The following RBFOX1 variants were observed in gnomAD, a reference collection of about 807,000 sequenced individuals.
RBFOX1 encodes the protein RNA binding fox-1 homolog 1.
RBFOX1 carries 8 observed loss-of-function variants against 57.7 expected under a neutral mutation model. The ratio of observed to expected loss-of-function variants is 0.14; its 90% CI spans 0.08 to 0.25. RBFOX1 has a LOEUF of 0.25. Ranked by LOEUF, RBFOX1 falls within the 10% of genes least tolerant of loss-of-function variation. RBFOX1 has a pLI of 1.00. For missense variants in RBFOX1, 611 were observed against 548.5 expected, an observed-to-expected ratio of 1.11 and a Z score of -1.14; for synonymous variants, 326 against 222.4, an observed-to-expected ratio of 1.47 and a Z score of -4.15.
intron 3 of RBFOX1, among the ~76,000 whole-genome samples, chr16:5,716,071 A>G (rs1346457780): frequency 6.6e-6 from 1 of 152,254 alleles, no homozygotes; most frequent in Non-Finnish European, 1.5e-5. Context: ...GATGTCTGGT[A>G]TTAATTTAGC....
At chr16:6,352,768 A>G (rs1056919654) in intron 2 of RBFOX1, among the ~76,000 whole-genome samples, 4 of 152,236 alleles carry the variant, frequency 2.6e-5, no homozygotes. Flanking sequence ...CGAAGCTGCA[A>G]GTTACTGCGA....
At chr16:5,600,957 G>A (rs912364964), downstream of RBFOX1, among the ~76,000 whole-genome samples, 4 of 152,140 alleles carry the variant, frequency 2.6e-5, no homozygotes, top group African/African-American at 9.7e-5. Flanking sequence ...ATTGCCCATG[G>A]TCACACAGCC....
chr16:6,258,536 C>T (rs572706570), intron 1 of RBFOX1, among the ~76,000 whole-genome samples: 6 of 152,270 alleles, frequency 3.9e-5, no homozygotes, highest in South Asian at 2.1e-4. Flanking sequence ...GCTCAAAAAC[C>T]TTCAGTGGCT....
chr16:7,130,731 C>T (rs376087293), intron 4 of RBFOX1, among the ~76,000 whole-genome samples: 1 of 152,196 alleles, frequency 6.6e-6, no homozygotes, highest in Non-Finnish European at 1.5e-5. Flanking sequence ...GAAGCCCATT[C>T]CTGGCCAAAT....
At chr16:7,366,145 C>T (rs1261505328) in intron 4 of RBFOX1, among the ~76,000 whole-genome samples, 1 of 152,166 alleles carries the variant, frequency 6.6e-6, no homozygotes, top group Non-Finnish European at 1.5e-5. Context: ...ACCCTCTAAA[C>T]AGTGTATTGA....
At chr16:6,351,372 A>ATATT (rs1199701253) in intron 2 of RBFOX1, among the ~76,000 whole-genome samples, 13 of 86,418 alleles carry the variant, frequency 1.5e-4, no homozygotes, top group East Asian at 6.6e-4. Context: ...ATATATATAT[A>ATATT]TTTTTTTTTT....
chr16:7,203,425 G>A (rs2089160527), intron 4 of RBFOX1, among the ~76,000 whole-genome samples: 3 of 152,182 alleles, frequency 2.0e-5, no homozygotes, highest in Admixed American at 2.0e-4. Flanking sequence ...CACAGTTTCA[G>A]TATTACAAGA....
intron 1 of RBFOX1, among the ~76,000 whole-genome samples, chr16:5,338,356 C>A (rs879906184): frequency 6.6e-6 from 1 of 152,174 alleles, no homozygotes; most frequent in Admixed American, 6.5e-5. Flanking sequence ...GCTTGTTAAT[C>A]TTTGCTGTTG....
At chr16:7,530,407 G>A (rs1473963605) in intron 5 of RBFOX1, among the ~76,000 whole-genome samples, 2 of 151,792 alleles carry the variant, frequency 1.3e-5, no homozygotes, top group African/African-American at 4.8e-5. Context: ...GCTGTACACT[G>A]TAAGTCTCTG....
intron 1 of RBFOX1, among the ~76,000 whole-genome samples, chr16:6,230,953 C>G (rs1048957745): frequency 6.6e-6 from 1 of 152,112 alleles, no homozygotes; most frequent in Non-Finnish European, 1.5e-5. Flanking sequence ...AGCCCTCTGA[C>G]TTTATAGGGG....
At chr16:6,529,804 G>T (rs1032817667) in intron 2 of RBFOX1, among the ~76,000 whole-genome samples, 1 of 152,056 alleles carries the variant, frequency 6.6e-6, no homozygotes, top group African/African-American at 2.4e-5. Flanking sequence ...TGCATGTCTT[G>T]TTGATATTTC....
chr16:7,335,604 AAAAAAC>A (rs1248249788), intron 4 of RBFOX1, among the ~76,000 whole-genome samples: 19 of 64,200 alleles, frequency 3.0e-4, no homozygotes, highest in African/African-American at 2.4e-3. Context: ...AAAAAAAAAA[AAAAAAC>A]CAAGTGATTT....
At chr16:7,451,547 C>T (rs923807747) in intron 4 of RBFOX1, among the ~76,000 whole-genome samples, 1 of 152,112 alleles carries the variant, frequency 6.6e-6, no homozygotes, top group African/African-American at 2.4e-5. Context: ...CTCAACCCTA[C>T]ACTCATTGCT....
chr16:5,373,498 C>T (rs754905601), intron 1 of RBFOX1, among the ~76,000 whole-genome samples: 8 of 152,236 alleles, frequency 5.3e-5, no homozygotes, highest in East Asian at 3.9e-4. Context: ...CCATGTAAGA[C>T]GCACCTGTTC....
At position 5,632,940 on chromosome 16, in the gene RBFOX1, C is replaced by CTTTTTT. The variant is rs71142634; in HGVS notation, c.318+33990_318+33995dup. Among the ~76,000 whole-genome samples the CTTTTTT allele has an allele frequency of 3.8e-3, 472 of 125,574 alleles. 14 individuals carry two copies. The highest frequency in any genetic ancestry group is 7.5e-3 in the Admixed American group (88 of 11,732). 82.4% of individuals were successfully genotyped at this position (125,574 alleles called of 152,430 possible). On this transcript the variant is annotated intron_variant, in intron 3 of 19. Transcript: ENST00000641259. ...CCTGGGCTTGCAATCTTAACAACTCCTTTTTTTTTTTTTTTTGAGGTGGAG... is the reference window on the plus strand; with the variant it reads ...CCTGGGCTTGCAATCTTAACAACTCCTTTTTTTTTTTTTTTTTTTTTTGAGGTGGAG...
chr16:7,241,327 G>A (rs932504024), intron 4 of RBFOX1, among the ~76,000 whole-genome samples: 2 of 152,144 alleles, frequency 1.3e-5, no homozygotes, highest in African/African-American at 2.4e-5. Flanking sequence ...CAAGCAGGAA[G>A]CAGGTCACCT....
intron 2 of RBFOX1, among the ~76,000 whole-genome samples, chr16:6,629,127 G>C (rs370887331): frequency 1.3e-5 from 2 of 152,198 alleles, no homozygotes; most frequent in Non-Finnish European, 2.9e-5. Flanking sequence ...TGTGTACCTG[G>C]TTACATATAT....
At chr16:7,469,744 G>A (rs1441825972) in intron 4 of RBFOX1, among the ~76,000 whole-genome samples, 1 of 152,072 alleles carries the variant, frequency 6.6e-6, no homozygotes, top group African/African-American at 2.4e-5. Context: ...GTAGCATTAA[G>A]TATATTTATA....
intron 3 of RBFOX1, among the ~76,000 whole-genome samples, chr16:5,705,625 A>G (rs144869735): frequency 6.6e-6 from 1 of 152,340 alleles, no homozygotes; most frequent in African/African-American, 2.4e-5. Context: ...GAGGCAACTA[A>G]TAATCAATGT....
Sources: gnomAD v4.1 joint callset for allele counts (sites outside exome capture counted in the v4.1 genomes callset) on GRCh38, gnomAD v4.1.1 for gene constraint, MANE v1.5 for transcripts, NCBI Gene and HGNC (gene_info 2026-07-23, HGNC 2026-07-21) for gene names.